PDE4A: variants seen among roughly 807,000 people sequenced by gnomAD.
The protein encoded by PDE4A is phosphodiesterase 4A.
PDE4A carries 21 observed loss-of-function variants against 73.9 expected under a neutral mutation model. The observed-to-expected ratio is 0.28, with a 90% CI of 0.20 to 0.41. The LOEUF is 0.41. Among genes scored for constraint, PDE4A ranks in the 10% least tolerant of loss-of-function variants. PDE4A has a pLI of 1.00. For missense variants in PDE4A, 958 were observed against 1,211.4 expected (o/e 0.79, Z 3.10); for synonymous variants, 463 against 505.4 (o/e 0.92, Z 1.13).
At chr19:10,432,501 C>A (rs1256046747) in intron 1 of PDE4A, 2 of 1,520,094 alleles carry the variant, frequency 1.3e-6, no homozygotes, top group Non-Finnish European at 1.8e-6. Flanking sequence ...CCCCACGGGC[C>A]CCGAGTCCCT....
intron 7 of PDE4A, among the ~76,000 whole-genome samples, chr19:10,455,402 T>C (rs538911545): frequency 2.3e-4 from 35 of 150,062 alleles, no homozygotes; most frequent in African/African-American, 8.6e-4. Flanking sequence ...GGGTGGAGGT[T>C]GCAGTGAGCC....
At chr19:10,427,440 G>A (rs1428552257) in intron 1 of PDE4A, 9 of 966,334 alleles carry the variant, frequency 9.3e-6, no homozygotes, top group East Asian at 1.1e-4. Context: ...CAGAGTGAGC[G>A]AGGAGGCAGT....
chr19:10,427,444 A>G (rs532326506), intron 1 of PDE4A: 1 of 970,080 alleles, frequency 1.0e-6, no homozygotes, highest in East Asian at 1.1e-4. Context: ...GTGAGCGAGG[A>G]GGCAGTGGAA....
Position 10,426,807 on chromosome 19 carries a change from G to T in PDE4A, c.320+5723G>T, listed in dbSNP as rs188182090. On this transcript the variant is annotated intron_variant, in intron 1 of 14. Transcript: ENST00000380702. ...TGCATGAACCCAGGAGGCGGAGGTT[G>T]CAGTGAGCCGAGATTGCGCCACTTC... Among the ~76,000 whole-genome samples the T allele has an allele frequency of 1.1e-3, 171 of 151,886 alleles. 1 individual carries two copies. The highest frequency in any genetic ancestry group is 4.1e-3 in the African/African-American group (170 of 41,396).
chr19:10,416,806 C>A, upstream of PDE4A: 1 of 1,517,164 alleles, frequency 6.6e-7, no homozygotes, highest in South Asian at 1.2e-5. Context: ...AGGCAAGTGG[C>A]GGGGGCGGGT....
intron 1 of PDE4A, among the ~76,000 whole-genome samples, chr19:10,429,279 GAAGAAAGAAAGA>G (rs201177635): frequency 8.3e-6 from 1 of 120,278 alleles, no homozygotes; most frequent in Non-Finnish European, 1.8e-5. Flanking sequence ...AGGAAGGAAG[GAAGAAAGAAAGA>G]AAGAAAGAAA....
At chr19:10,439,139 T>A (rs796273475) in intron 1 of PDE4A, among the ~76,000 whole-genome samples, 3 of 152,166 alleles carry the variant, frequency 2.0e-5, no homozygotes, top group African/African-American at 7.2e-5. Flanking sequence ...TGCGCGGTTG[T>A]GTGGTGATTC....
At chr19:10,423,069 C>A (rs1327480020) in intron 1 of PDE4A, 1 of 983,258 alleles carries the variant, frequency 1.0e-6, no homozygotes, top group African/African-American at 1.7e-5. Context: ...TTTCCATATG[C>A]ATCCTCATCC....
Position 10,430,881 on chromosome 19 carries a change from C to G in PDE4A, c.320+9797C>G, listed in dbSNP as rs544557860. The G allele has an allele frequency of 4.0e-5, 59 of 1,470,116 alleles. No homozygotes were observed. In the Admixed American group the frequency reaches 5.5e-4, roughly 14 times the overall value. The allele number at this position is 1,470,116 out of a possible 1,614,324, so 91.1% of individuals were successfully genotyped here. On this transcript the variant is annotated intron_variant, in intron 1 of 14. Coordinates refer to ENST00000380702, the MANE Select transcript of PDE4A (RefSeq NM_001111307.2). ...GCGCGGCCTAGGCCGCATCCCGGAG[C>G]TGCAACTGGTGGCCTTCCCGGTGGC...
Position 10,461,992 on chromosome 19 carries a change from G to A in PDE4A, c.1736G>A (p.Arg579His), listed in dbSNP as rs2043280825. 1.2e-6 allele frequency: 2 copies of A among 1,612,174 alleles called. No individual in the cohort carries two copies. The highest frequency in any genetic ancestry group is 1.3e-5 in the African/African-American group (1 of 74,852). The change falls in exon 13 of 15, where the codon CGC (arginine) becomes CAC (histidine). Residue 579 changes from arginine (R) to histidine (H), a missense_variant. Arg to His is a conservative substitution (Grantham distance 29, BLOSUM62 0). This residue lies in a region of PDE4A where 570 missense variants were observed against 827.7 expected (regional missense o/e 0.69). Coordinates refer to ENST00000380702, the MANE Select transcript of PDE4A (RefSeq NM_001111307.2). ...CTCCTGCTAGATAACTACTCCGACC[G>A]CATCCAGGTGCCCCCACGCCCCATC... ...GVLLLDNYSD[R>H]IQVLRNMVHC...
rs78503130 is a variant in PDE4A at position 10,459,791 on chromosome 19, A to G, written c.1365+32A>G. 7,850 of 1,555,854 alleles carry G rather than the reference A, an allele frequency of 5.0e-3. 129 individuals are homozygous for G. The highest frequency in any genetic ancestry group is 0.043 in the East Asian group (1,880 of 44,232). ...GACTGCCCTGTGAGTGACCGTCCCC[A>G]TCTCTCTTTGTGACTGCCTCTTCAG... On this transcript the variant is annotated intron_variant, in intron 10 of 14. Coordinates refer to ENST00000380702, the MANE Select transcript of PDE4A (RefSeq NM_001111307.2).
At chr19:10,425,815 G>A (rs139736790) in intron 1 of PDE4A, among the ~76,000 whole-genome samples, 7 of 151,556 alleles carry the variant, frequency 4.6e-5, no homozygotes, top group African/African-American at 1.7e-4. Flanking sequence ...GTGAAACCCC[G>A]TCTCTACTAA....
intron 10 of PDE4A, 145 bp downstream of exon 10, chr19:10,459,904 G>A (rs60167376): frequency 9.9e-6 from 10 of 1,006,164 alleles, no homozygotes; most frequent in Middle Eastern, 6.5e-4. Flanking sequence ...TTTTTGAGAC[G>A]GAGTCTTGCT....
chr19:10,447,517 G>A (rs1007020333), intron 2 of PDE4A, among the ~76,000 whole-genome samples: 10 of 151,990 alleles, frequency 6.6e-5, no homozygotes, highest in East Asian at 1.9e-4. Flanking sequence ...GAGCCACCGC[G>A]CCCGGCCCTC....
intron 14 of PDE4A, among the ~76,000 whole-genome samples, chr19:10,465,836 G>T (rs908989444): frequency 6.7e-6 from 1 of 149,298 alleles, no homozygotes; most frequent in Non-Finnish European, 1.5e-5. Flanking sequence ...GAGTAGGTGG[G>T]ATTACATGTG....
chr19:10,461,700 G>GC lies in PDE4A; in HGVS notation c.1620+20_1620+21insC. On this transcript the variant is annotated intron_variant, in intron 12 of 14. Coordinates refer to ENST00000380702, the MANE Select transcript of PDE4A (RefSeq NM_001111307.2). ...GACATGGTGGGCGGGGCTGGGGCGG[G>GC]ACGGAGCGGGAAAGGAAGCCTAGGA... 5.0e-6 allele frequency: 3 copies of GC among 598,440 alleles called. No individual in the cohort carries two copies. The highest frequency in any genetic ancestry group is 9.4e-6 in the Non-Finnish European group (3 of 318,862). 37.1% of individuals were successfully genotyped at this position (598,440 alleles called of 1,614,324 possible). A position where few individuals can be genotyped will look rare whatever the true frequency, so the allele number is the denominator to read the frequency against.
At chr19:10,444,873 A>G (rs774174891) in intron 1 of PDE4A, among the ~76,000 whole-genome samples, 4 of 151,986 alleles carry the variant, frequency 2.6e-5, no homozygotes, top group African/African-American at 7.2e-5. Context: ...GGGTTTTGCC[A>G]TGTTGGCCAG....
In PDE4A at chr19:10,442,935, A is replaced by G. The variant is rs186509372; in HGVS notation, c.321-3283A>G. Among the ~76,000 whole-genome samples, 618 of 151,198 alleles carry G rather than the reference A, an allele frequency of 4.1e-3. 6 individuals are homozygous for G. The highest frequency in any genetic ancestry group is 0.014 in the African/African-American group (582 of 41,336). The stretch of plus-strand genomic sequence containing the variant: ...TTGCATATGCATATATAATACTAGC[A>G]ATATTGCATATGCATGTGTATGTAA... On this transcript the variant is annotated intron_variant, in intron 1 of 14. Transcript: ENST00000380702.
At chr19:10,450,203 T>C (rs1011295552) in intron 4 of PDE4A, among the ~76,000 whole-genome samples, 1 of 152,234 alleles carries the variant, frequency 6.6e-6, no homozygotes, top group Non-Finnish European at 1.5e-5. Context: ...TTGCCCTGCG[T>C]ACATAGGAGT....
Sources: gnomAD v4.1 joint callset for allele counts (sites outside exome capture counted in the v4.1 genomes callset) on GRCh38, gnomAD v4.1.1 for gene constraint, gnomAD v4.1.1 regional missense constraint, MANE v1.5 for transcripts, NCBI Gene and HGNC (gene_info 2026-07-23, HGNC 2026-07-21) for gene names.